Variants in NRF1 observed in about 807,000 individuals in gnomAD.
The protein encoded by NRF1 is alpha palindromic-binding protein.
In NRF1, 5 loss-of-function variants were observed where a neutral mutation model predicts 58.5. That is an observed-to-expected ratio of 0.09 (90% CI 0.04 to 0.18). The LOEUF (loss-of-function observed/expected upper bound fraction) is 0.18, where lower values mean the gene tolerates loss of function less well. Ranked by LOEUF, NRF1 falls within the 10% of genes least tolerant of loss-of-function variation. The pLI, the probability that NRF1 is intolerant of heterozygous loss-of-function variation, is 1.00. For synonymous variants in NRF1, 224 were observed against 246.7 expected (o/e 0.91, Z 0.86); for missense variants, 288 against 657.7 (o/e 0.44, Z 6.15).
At chr7:129,722,451 G>GTTTT (rs1367358879) in intron 9 of NRF1, among the ~76,000 whole-genome samples, 1 of 151,984 alleles carries the variant, frequency 6.6e-6, no homozygotes, top group Non-Finnish European at 1.5e-5. Flanking sequence ...ATAAAGTTGA[G>GTTTT]TGTAAAAGGT....
At chr7:129,703,053 C>T (rs551374476) in intron 5 of NRF1, among the ~76,000 whole-genome samples, 4 of 152,022 alleles carry the variant, frequency 2.6e-5, no homozygotes, top group South Asian at 2.1e-4. Flanking sequence ...TTGGATAAGA[C>T]GTTTTAGAGT....
chr7:129,681,982 T>C (rs567289961), intron 4 of NRF1, among the ~76,000 whole-genome samples: 34 of 151,140 alleles, frequency 2.2e-4, no homozygotes, highest in Non-Finnish European at 4.1e-4. Flanking sequence ...CTTGGGAGGC[T>C]GAGGCAGGAG....
chr7:129,619,419 TATATATATATATATAC>T lies in NRF1; in HGVS notation c.-7+7597_-7+7612del, dbSNP rs1454533020. ...GTGTATATATATATATATATATATATATATATATATATATACACACACACACACATATATATACACG... is the reference window on the plus strand; with the variant it reads ...GTGTATATATATATATATATATATATACACACACACACATATATATACACG... On this transcript the variant is annotated intron_variant, in intron 1 of 10. Coordinates refer to ENST00000393232, the MANE Select transcript of NRF1 (RefSeq NM_005011.5). Among the ~76,000 whole-genome samples the T allele has an allele frequency of 3.7e-4, 35 of 94,908 alleles. 1 individual carries two copies. The highest frequency in any genetic ancestry group is 6.4e-4 in the Admixed American group (6 of 9,328). The allele number at this position is 94,908 out of a possible 152,430, so 62.3% of individuals were successfully genotyped here.
chr7:129,746,177 A>G (rs1480931311), intron 10 of NRF1, among the ~76,000 whole-genome samples: 1 of 152,236 alleles, frequency 6.6e-6, no homozygotes, highest in African/African-American at 2.4e-5. Flanking sequence ...GCTTGGACTT[A>G]GGAAACACGG....
intron 2 of NRF1, among the ~76,000 whole-genome samples, chr7:129,667,633 A>T (rs938972357): frequency 6.6e-6 from 1 of 151,662 alleles, no homozygotes; most frequent in African/African-American, 2.4e-5. Context: ...CTTATAGTTT[A>T]TCCTTTCGGG....
At chr7:129,663,572 G>C (rs1331037431) in intron 2 of NRF1, among the ~76,000 whole-genome samples, 1 of 151,198 alleles carries the variant, frequency 6.6e-6, no homozygotes, top group Non-Finnish European at 1.5e-5. Flanking sequence ...GACGATGGGC[G>C]GCCAGGCAGA....
intron 10 of NRF1, among the ~76,000 whole-genome samples, chr7:129,746,819 A>C (rs984886023): frequency 1.3e-5 from 2 of 152,102 alleles, no homozygotes; most frequent in African/African-American, 2.4e-5. Context: ...TTTTCCACCT[A>C]CTGTCATGTT....
intron 10 of NRF1, chr7:129,744,093 G>T (rs1271520467): frequency 7.6e-7 from 1 of 1,322,484 alleles, no homozygotes; most frequent in Non-Finnish European, 1.0e-6. Flanking sequence ...GAGGCTGCAA[G>T]CGCCGCAGCG....
intron 4 of NRF1, among the ~76,000 whole-genome samples, chr7:129,680,649 T>C (rs1420761635): frequency 6.6e-6 from 1 of 152,356 alleles, no homozygotes; most frequent in Non-Finnish European, 1.5e-5. Flanking sequence ...TACTACAGCA[T>C]GGATGAACCT....
At chr7:129,686,065 G>GCACT (rs1392102047) in intron 4 of NRF1, among the ~76,000 whole-genome samples, 1 of 142,822 alleles carries the variant, frequency 7.0e-6, no homozygotes, top group Non-Finnish European at 1.5e-5. Flanking sequence ...TCACACCACT[G>GCACT]CACTCCAGCC....
intron 10 of NRF1, among the ~76,000 whole-genome samples, chr7:129,752,106 AC>A (rs1804131388): frequency 6.6e-6 from 1 of 151,922 alleles, no homozygotes; most frequent in South Asian, 2.1e-4. Flanking sequence ...TCTTGAAAGA[AC>A]CCTCTGTCAA....
chr7:129,746,574 T>TTCC (rs1294127544), intron 10 of NRF1, among the ~76,000 whole-genome samples: 1 of 152,206 alleles, frequency 6.6e-6, no homozygotes, highest in Non-Finnish European at 1.5e-5. Context: ...AAGGACTTCC[T>TTCC]TCCTGCCTGT....
intron 3 of NRF1, among the ~76,000 whole-genome samples, chr7:129,676,122 T>C (rs542804391): frequency 3.3e-5 from 5 of 152,374 alleles, no homozygotes; most frequent in African/African-American, 9.6e-5. Context: ...TGCTCTGCAT[T>C]AGGCTTTGGC....
chr7:129,694,302 T>C (rs761629335), intron 5 of NRF1, among the ~76,000 whole-genome samples: 1 of 152,176 alleles, frequency 6.6e-6, no homozygotes, highest in South Asian at 2.1e-4. Flanking sequence ...CAACGTTTTA[T>C]TGTTGTTTGT....
intron 5 of NRF1, among the ~76,000 whole-genome samples, chr7:129,700,995 T>C (rs1226951748): frequency 2.0e-5 from 3 of 152,150 alleles, no homozygotes; most frequent in East Asian, 3.9e-4. Context: ...GAACATGGCA[T>C]ATTGTGAGTA....
At chr7:129,747,110 C>G (rs1250400031) in intron 10 of NRF1, among the ~76,000 whole-genome samples, 1 of 152,118 alleles carries the variant, frequency 6.6e-6, no homozygotes, top group Non-Finnish European at 1.5e-5. Flanking sequence ...CTGCCTGGCT[C>G]AAGTCTGTTA....
At chr7:129,649,993 T>G (rs1801500341) in intron 1 of NRF1, among the ~76,000 whole-genome samples, 1 of 152,012 alleles carries the variant, frequency 6.6e-6, no homozygotes, top group South Asian at 2.1e-4. Context: ...ACATAAGCAA[T>G]CCTCCCACCT....
At chr7:129,728,687 G>A (rs1276981151) in intron 10 of NRF1, among the ~76,000 whole-genome samples, 1 of 152,162 alleles carries the variant, frequency 6.6e-6, no homozygotes, top group Non-Finnish European at 1.5e-5. Flanking sequence ...GGAATAGGAG[G>A]AAACAAAGTA....
At chr7:129,720,596 A>G (rs1389799554) in intron 9 of NRF1, among the ~76,000 whole-genome samples, 1 of 152,218 alleles carries the variant, frequency 6.6e-6, no homozygotes. Flanking sequence ...CAATGTAAAC[A>G]GCAGATGTGG....
Sources: allele counts gnomAD v4.1 joint callset (sites outside exome capture counted in the v4.1 genomes callset), GRCh38; gene constraint gnomAD v4.1.1; transcripts MANE v1.5; gene names NCBI Gene and HGNC (gene_info 2026-07-23, HGNC 2026-07-21).